The following APAF1 variants were observed in gnomAD, a reference collection of about 807,000 sequenced individuals.
APAF1 encodes the protein apoptotic protease-activating factor 1.
Under a neutral mutation model 152.4 loss-of-function variants are expected in APAF1, and 91 were observed. The observed-to-expected ratio is 0.60, with a 90% CI of 0.50 to 0.71. The LOEUF is 0.71. APAF1 is among the 30% of genes least tolerant of loss of function. The probability of loss-of-function intolerance (pLI) is 0.00; values close to 1 mark genes in which losing one functional copy is unlikely to be tolerated. For missense variants in APAF1, 1,283 were observed against 1,472.0 expected (o/e 0.87, Z 2.10); for synonymous variants, 484 against 494.1 (o/e 0.98, Z 0.27).
In APAF1 at chr12:98,659,363, G is replaced by A. The variant is rs375666487; in HGVS notation, c.710+20G>A. ...CCCAAGGTACCGATGGTCAAATTTA[G>A]TTGGTGTGTCAGGTCCCATGTCCCA... On this transcript the variant is annotated intron_variant, in intron 5 of 26. Coordinates refer to ENST00000551964, the MANE Select transcript of APAF1 (RefSeq NM_181861.2). 10 of 1,613,600 alleles carry A rather than the reference G, an allele frequency of 6.2e-6. No individual in the cohort carries two copies. The highest frequency in any genetic ancestry group is 8.5e-6 in the Non-Finnish European group (10 of 1,179,652).
intron 18 of APAF1, among the ~76,000 whole-genome samples, chr12:98,706,036 A>G (rs1378639152): frequency 1.3e-5 from 2 of 152,180 alleles, no homozygotes; most frequent in Non-Finnish European, 2.9e-5. Context: ...ATATAAGCAG[A>G]TATCTATATG....
At chr12:98,727,861 A>C (rs1436731137) in intron 26 of APAF1, among the ~76,000 whole-genome samples, 4 of 151,944 alleles carry the variant, frequency 2.6e-5, no homozygotes, top group African/African-American at 4.8e-5. Context: ...GAATCGCTTG[A>C]ACCCGGGAGG....
chr12:98,727,380 T>G, intron 26 of APAF1, 64 bp downstream of exon 26: 2 of 1,580,598 alleles, frequency 1.3e-6, no homozygotes, highest in East Asian at 4.5e-5. Flanking sequence ...CAAGCTATTT[T>G]CACTTCCTGT....
At chr12:98,682,483 C>G (rs537591924) in intron 14 of APAF1, among the ~76,000 whole-genome samples, 1 of 152,168 alleles carries the variant, frequency 6.6e-6, no homozygotes, top group Non-Finnish European at 1.5e-5. Context: ...CAGAAGAGGA[C>G]GCAGATTCAG....
intron 16 of APAF1, among the ~76,000 whole-genome samples, chr12:98,699,094 C>T (rs1379762636): frequency 6.6e-6 from 1 of 152,202 alleles, no homozygotes; most frequent in Non-Finnish European, 1.5e-5. Flanking sequence ...GTCTCTTCAT[C>T]TTACCACCTT....
chr12:98,656,636 C>T (rs1322237641), intron 4 of APAF1, among the ~76,000 whole-genome samples: 5 of 152,230 alleles, frequency 3.3e-5, no homozygotes, highest in Non-Finnish European at 7.3e-5. Context: ...CTGTAGAACT[C>T]CTCTGTGAGC....
At chr12:98,700,199 C>T (rs2097713888) in intron 17 of APAF1, among the ~76,000 whole-genome samples, 1 of 152,154 alleles carries the variant, frequency 6.6e-6, no homozygotes, top group Non-Finnish European at 1.5e-5. Context: ...ATTCAAGAAG[C>T]AGCGGGTTAC....
Position 98,665,642 on chromosome 12 carries a change from C to G in APAF1, c.1045C>G (p.Gln349Glu). 6.2e-7 allele frequency: 1 copy of G among 1,613,726 alleles called. No homozygotes were observed. Among genetic ancestry groups the G allele is most frequent in the South Asian group, 1.1e-5 (1 of 91,066 alleles). ...CTACCTCAAACAGCTTCAGAATAAG[C>G]AGTTTAAGAGAATAAGGAAATCTTC... ...EYYLKQLQNK[Q>E]FKRIRKSSSY... The change falls in exon 8 of 27, where the codon CAG becomes GAG. Residue 349 changes from glutamine to glutamate, a missense_variant. Gln to Glu is a conservative substitution (Grantham distance 29). Transcript: ENST00000551964.
chr12:98,672,737 A>AT lies in APAF1; in HGVS notation c.1793+1022dup, dbSNP rs555998732. ...TCTTCAAAACAAGTTTATAAGGTAA[A>AT]TTTTATTTTTATTTTATTTTATTTT... is the stretch of plus-strand genomic sequence containing the variant. On this transcript the variant is annotated intron_variant, in intron 12 of 26. Transcript: ENST00000551964. Among the ~76,000 whole-genome samples the AT allele has an allele frequency of 4.0e-4, 60 of 151,888 alleles. 1 individual carries two copies. In the East Asian group the frequency reaches 0.011, roughly 28 times the overall value.
intron 26 of APAF1, 88 bp downstream of exon 26, chr12:98,727,404 C>A: frequency 6.8e-7 from 1 of 1,465,144 alleles, no homozygotes; most frequent in Non-Finnish European, 9.4e-7. Flanking sequence ...TCAGTTGGGC[C>A]TTTTACAACC....
intron 8 of APAF1, 121 bp from the exon 9 acceptor site, chr12:98,666,069 A>T: frequency 1.0e-6 from 1 of 956,582 alleles, no homozygotes. Context: ...TCTTCTTAAG[A>T]AATGGAGACA....
intron 4 of APAF1, among the ~76,000 whole-genome samples, chr12:98,650,604 T>C (rs771536594): frequency 2.0e-5 from 3 of 152,132 alleles, no homozygotes; most frequent in African/African-American, 7.2e-5. Flanking sequence ...CTTAGAAATA[T>C]GGAGGCTAGG....
At chr12:98,723,422 A>G in intron 23 of APAF1, 110 bp downstream of exon 23, 1 of 1,253,866 alleles carries the variant, frequency 8.0e-7, no homozygotes, top group South Asian at 1.3e-5. Context: ...AAAAATTTTT[A>G]ATTTTTCTCA....
intron 13 of APAF1, among the ~76,000 whole-genome samples, chr12:98,678,554 G>T (rs2097688938): frequency 6.6e-6 from 1 of 152,214 alleles, no homozygotes. Flanking sequence ...ACAGCTGCAG[G>T]CTCGGGCCTC....
At chr12:98,692,849 A>G (rs1447843884) in intron 16 of APAF1, among the ~76,000 whole-genome samples, 2 of 152,182 alleles carry the variant, frequency 1.3e-5, no homozygotes, top group Non-Finnish European at 1.5e-5. Flanking sequence ...TGCAGTGAAT[A>G]TACAAGTGCA....
chr12:98,698,401 T>C (rs943767451), intron 16 of APAF1, among the ~76,000 whole-genome samples: 1 of 152,188 alleles, frequency 6.6e-6, no homozygotes, highest in South Asian at 2.1e-4. Flanking sequence ...TTCTGGATAA[T>C]GTAACTGAAG....
At position 98,683,189 on chromosome 12, in the gene APAF1, A is replaced by G. The variant is rs1479880814; in HGVS notation, c.2093A>G (p.His698Arg). ...TGELVHTYDE[H>R]SEQVNCCHFT... ...GAACTAGTACACACCTATGATGAGCACTCAGAGCAAGTCAATTGCTGCCAT... is the reference window on the plus strand; with the variant it reads ...GAACTAGTACACACCTATGATGAGCGCTCAGAGCAAGTCAATTGCTGCCAT... Residue 698 changes from histidine to arginine, a missense_variant, in exon 15 of 27, where the codon CAC becomes CGC. Transcript: ENST00000551964. The G allele has an allele frequency of 6.2e-7, 1 of 1,613,606 alleles. No homozygotes were observed. The highest frequency in any genetic ancestry group is 1.7e-5 in the Admixed American group (1 of 60,010).
In APAF1 at chr12:98,715,532, T is replaced by C. The variant is rs527314665; in HGVS notation, c.3064T>C (p.Ser1022Pro). The C allele has an allele frequency of 2.5e-6, 4 of 1,613,668 alleles. No homozygotes were observed. In the African/African-American group the frequency reaches 5.3e-5, roughly 22 times the overall value. Reference sequence around the variant, plus strand: ...CGATGAGAAGACTCTTATTTCAAGTTCTGATGATGCTGAAATTCAGGTGAG... The same window carrying C: ...CGATGAGAAGACTCTTATTTCAAGTCCTGATGATGCTGAAATTCAGGTGAG... ...TADEKTLISS[S>P]DDAEIQVWNW... Residue 1022 changes from serine (S) to proline (P), a missense_variant, in exon 22 of 27, where the codon TCT (serine) becomes CCT (proline). Coordinates refer to ENST00000551964, the MANE Select transcript of APAF1 (RefSeq NM_181861.2).
At chr12:98,668,357 T>C (rs2097676020) in intron 10 of APAF1, among the ~76,000 whole-genome samples, 2 of 152,186 alleles carry the variant, frequency 1.3e-5, no homozygotes, top group South Asian at 4.1e-4. Flanking sequence ...TTTTGTAAGC[T>C]TTGAGAGGAA....
Sources: gnomAD v4.1 joint callset for allele counts (sites outside exome capture counted in the v4.1 genomes callset) on GRCh38, gnomAD v4.1.1 for gene constraint, MANE v1.5 for transcripts, NCBI Gene and HGNC (gene_info 2026-07-23, HGNC 2026-07-21) for gene names.